ENDOU: variants seen among roughly 807,000 people sequenced by gnomAD.
ENDOU encodes the protein uridylate-specific endoribonuclease.
A neutral mutation model predicts 54.2 loss-of-function variants in ENDOU; 49 were observed. That is an observed-to-expected ratio of 0.90 (90% CI 0.72 to 1.15). The LOEUF (loss-of-function observed/expected upper bound fraction) is 1.15, where lower values mean the gene tolerates loss of function less well. Among genes scored for constraint, ENDOU ranks in the 50% most tolerant of loss-of-function variants. The pLI is 0.00. For missense variants in ENDOU, 458 were observed against 511.4 expected (o/e 0.90, Z 1.01); for synonymous variants, 172 against 190.5 (o/e 0.90, Z 0.80).
rs375066086 is a variant in ENDOU at position 47,716,846 on chromosome 12, G to T, written c.551+44C>A. On this transcript the variant is annotated intron_variant, in intron 5 of 9. Transcript: ENST00000422538. ...CGAGACATCGAAAGAAGCAAGGATA[G>T]GGGCAAGATTTAGGGGGTAGAAAGA... 455 of 1,600,910 alleles carry T rather than the reference G, an allele frequency of 2.8e-4. 1 individual carries two copies. The highest frequency in any genetic ancestry group is 1.1e-3 in the Middle Eastern group (6 of 5,326).
intron 8 of ENDOU, among the ~76,000 whole-genome samples, chr12:47,711,991 C>T (rs1940036682): frequency 6.6e-6 from 1 of 152,190 alleles, no homozygotes; most frequent in South Asian, 2.1e-4. Flanking sequence ...TGCCAGTGCA[C>T]ATCTACCAGA....
chr12:47,724,111 C>T (rs1940515205), intron 1 of ENDOU, among the ~76,000 whole-genome samples: 2 of 152,294 alleles, frequency 1.3e-5, no homozygotes, highest in South Asian at 4.1e-4. Flanking sequence ...GCTACCTCTG[C>T]CCCCCAGGGA....
In ENDOU at chr12:47,710,918, AC is replaced by A. The variant is rs762978163; in HGVS notation, c.1116del (p.Cys373AlafsTer3). 1.2e-6 allele frequency: 2 copies of A among 1,604,222 alleles called. No homozygotes were observed. Among genetic ancestry groups the A allele is most frequent in the African/African-American group, 2.7e-5 (2 of 74,854 alleles). ...SLCFIARPGK[V>X]CQLSLGGYPL... is the part of the protein sequence containing the mutation. ...GGATATCCTCCCAGGCTTAACTGGC[AC>A]CTGTGGGGAAAGAGCCTGAAATCAG... On this transcript the variant is annotated frameshift_variant and splice_region_variant, in exon 10 of 10. Transcript: ENST00000422538. LOFTEE classifies it high-confidence loss of function.
intron 6 of ENDOU, among the ~76,000 whole-genome samples, chr12:47,715,962 C>T (rs1565733113): frequency 6.6e-6 from 1 of 151,936 alleles, no homozygotes; most frequent in South Asian, 2.1e-4. Context: ...GTGGCTGAGA[C>T]GTGCTCTGGG....
At position 47,710,893 on chromosome 12, in the gene ENDOU, G is replaced by A; in HGVS notation, c.1142C>T (p.Pro381Leu). 4 of 1,613,740 alleles carry A rather than the reference G, an allele frequency of 2.5e-6. No individual in the cohort carries two copies. The highest frequency in any genetic ancestry group is 1.3e-5 in the African/African-American group (1 of 75,024). ...KVCQLSLGGY[P>L]LAVRTYTWDK... ...CCAGGTATATGTCCGGACAGCTAAGGGATATCCTCCCAGGCTTAACTGGCA... is the reference window on the plus strand; with the variant it reads ...CCAGGTATATGTCCGGACAGCTAAGAGATATCCTCCCAGGCTTAACTGGCA... Residue 381 changes from proline (P) to leucine (L), a missense_variant, in exon 10 of 10, where the codon CCC becomes CTC. Transcript: ENST00000422538.
Position 47,725,384 on chromosome 12 carries a change from G to T in ENDOU, c.30C>A (p.Ala10=). The change falls in exon 1 of 10, where the codon GCC becomes GCA. Residue 10 remains alanine (A), a synonymous_variant. Transcript: ENST00000422538. The part of the protein sequence containing the change: MRACISLVL[A]VLCGLAWAGK... ...CAGCCCAGGCCAGGCCACACAGCAC[G>T]GCCAATACCAGGGAGATGCAGGCCC... The T allele has an allele frequency of 6.2e-7, 1 of 1,614,178 alleles. No homozygotes were observed. The highest frequency in any genetic ancestry group is 8.5e-7 in the Non-Finnish European group (1 of 1,180,026).
chr12:47,720,593 G>A (rs1940398680), intron 2 of ENDOU, 160 bp downstream of exon 2: 1 of 585,484 alleles, frequency 1.7e-6, no homozygotes, highest in Non-Finnish European at 2.7e-6. Context: ...CCTGAGAAAA[G>A]TGGTGGCCAA....
At chr12:47,716,672 G>A (rs1262922154) in intron 5 of ENDOU, among the ~76,000 whole-genome samples, 173 bp from the exon 6 acceptor site, 1 of 152,138 alleles carries the variant, frequency 6.6e-6, no homozygotes, top group Non-Finnish European at 1.5e-5. Context: ...TCCACCTCAT[G>A]TTTTGGAAGA....
rs573486026 is a variant in ENDOU at position 47,710,272 on chromosome 12, C to T, written c.*530G>A. On this transcript the variant is annotated 3_prime_UTR_variant, in exon 10 of 10. Coordinates refer to ENST00000422538, the MANE Select transcript of ENDOU (RefSeq NM_001172439.2). ...TACTGTGGCCTTACTTCTTTGAGGACCCCAACACAGGGCTGAGTGGTAGTT... is the reference window on the plus strand; with the variant it reads ...TACTGTGGCCTTACTTCTTTGAGGATCCCAACACAGGGCTGAGTGGTAGTT... 1.3e-5 allele frequency: 2 copies of T among 152,540 alleles called. No homozygotes were observed. Among genetic ancestry groups the T allele is most frequent in the South Asian group, 2.1e-4 (1 of 4,828 alleles). The allele number at this position is 152,540 out of a possible 1,614,324, so 9.4% of individuals were successfully genotyped here.
chr12:47,714,750 CAGTT>C (rs1319417934), intron 6 of ENDOU, among the ~76,000 whole-genome samples: 1 of 152,132 alleles, frequency 6.6e-6, no homozygotes, highest in East Asian at 1.9e-4. Flanking sequence ...GTGTGAATAT[CAGTT>C]AGATAGCTAA....
intron 6 of ENDOU, among the ~76,000 whole-genome samples, chr12:47,714,676 G>A (rs1342017062): frequency 6.6e-6 from 1 of 152,178 alleles, no homozygotes; most frequent in Non-Finnish European, 1.5e-5. Context: ...TATGAAATGG[G>A]GAAGACCCAG....
At chr12:47,712,463 G>A (rs888001881) in intron 8 of ENDOU, 53 bp downstream of exon 8, 8 of 1,370,520 alleles carry the variant, frequency 5.8e-6, no homozygotes, top group Middle Eastern at 1.8e-4. Flanking sequence ...GGAACACAGA[G>A]TGAGAGCAGG....
In ENDOU at chr12:47,710,538, GT is replaced by G. The variant is rs1165333155; in HGVS notation, c.*263del. 5.2e-6 allele frequency: 2 copies of G among 385,072 alleles called. No homozygotes were observed. The highest frequency in any genetic ancestry group is 1.1e-4 in the East Asian group (2 of 18,960). 23.9% of individuals were successfully genotyped at this position (385,072 alleles called of 1,614,324 possible). A position where few individuals can be genotyped will look rare whatever the true frequency, so the allele number is the denominator to read the frequency against. On this transcript the variant is annotated 3_prime_UTR_variant, in exon 10 of 10. Transcript: ENST00000422538. ...ACATCAGGGCAGAGAGCTATGGAGG[GT>G]TCCTACCTTCTCTGCTTGGACTCTG...
intron 6 of ENDOU, 51 bp downstream of exon 6, chr12:47,716,249 G>C: frequency 6.3e-7 from 1 of 1,587,822 alleles, no homozygotes; most frequent in Non-Finnish European, 8.6e-7. Context: ...CGCCCACCTG[G>C]CTTCGCTCAG....
chr12:47,717,380 C>T (rs979310532), intron 4 of ENDOU, 138 bp downstream of exon 4: 6 of 970,446 alleles, frequency 6.2e-6, no homozygotes, highest in African/African-American at 3.3e-5. Flanking sequence ...TAAGTAGGCC[C>T]GGAGTGAAGC....
chr12:47,725,297 C>T, intron 1 of ENDOU, 62 bp downstream of exon 1: 1 of 1,583,938 alleles, frequency 6.3e-7, no homozygotes, highest in Non-Finnish European at 8.7e-7. Flanking sequence ...CTCCAACTCT[C>T]TGCTTCTTTA....
chr12:47,719,939 G>A (rs1940378972), intron 2 of ENDOU: 1 of 152,202 alleles, frequency 6.6e-6, no homozygotes, highest in Non-Finnish European at 1.5e-5. Context: ...CTGATGAGAA[G>A]GATACAGACT....
chr12:47,713,166 C>T, intron 7 of ENDOU, 109 bp downstream of exon 7: 1 of 779,566 alleles, frequency 1.3e-6, no homozygotes, highest in Non-Finnish European at 2.2e-6. Context: ...TCCCTCCCTA[C>T]TAGCTGGCTG....
chr12:47,711,487 A>G lies in ENDOU; in HGVS notation c.1115+146T>C, dbSNP rs148136873. The stretch of plus-strand genomic sequence containing the variant: ...AACCAATCCAAAAACTTAATTGTTC[A>G]AGCAAGAGAACTGAGGCCCAAAGCA... On this transcript the variant is annotated intron_variant, in intron 9 of 9. Coordinates refer to ENST00000422538, the MANE Select transcript of ENDOU (RefSeq NM_001172439.2). The G allele has an allele frequency of 6.6e-5, 63 of 960,842 alleles. 1 individual carries two copies. In the African/African-American group the frequency reaches 9.9e-4, roughly 15 times the overall value. 59.5% of individuals were successfully genotyped at this position (960,842 alleles called of 1,614,324 possible).
Sources: gnomAD v4.1 joint callset for allele counts (sites outside exome capture counted in the v4.1 genomes callset) on GRCh38, gnomAD v4.1.1 for gene constraint, MANE v1.5 for transcripts, NCBI Gene and HGNC (gene_info 2026-07-23, HGNC 2026-07-21) for gene names.